The following CLMP variants were observed in gnomAD, a reference collection of about 807,000 sequenced individuals.
CLMP encodes the protein CXADR-like membrane protein.
A neutral mutation model predicts 45.2 loss-of-function variants in CLMP; 27 were observed. The ratio of observed to expected loss-of-function variants is 0.60; its 90% confidence interval spans 0.44 to 0.82. The LOEUF is 0.82. Ranked by LOEUF, CLMP falls within the 40% of genes least tolerant of loss-of-function variation. The probability of loss-of-function intolerance (pLI) is 0.00; values close to 1 mark genes in which losing one functional copy is unlikely to be tolerated. For synonymous variants in CLMP, 167 were observed against 171.4 expected (o/e 0.97, Z 0.20); for missense variants, 403 against 448.4 (o/e 0.90, Z 0.91).
intron 1 of CLMP, among the ~76,000 whole-genome samples, chr11:123,156,552 A>G (rs1383785515): frequency 2.6e-5 from 4 of 152,180 alleles, no homozygotes; most frequent in Non-Finnish European, 4.4e-5. Flanking sequence ...TTTTTTTGGT[A>G]GTGATAGATA....
intron 1 of CLMP, chr11:123,136,141 G>A: frequency 1.6e-6 from 1 of 626,700 alleles, no homozygotes; most frequent in Non-Finnish European, 3.1e-6. Flanking sequence ...CGGCAAGAAA[G>A]TCACCACCTA....
intron 1 of CLMP, among the ~76,000 whole-genome samples, chr11:123,106,344 T>C (rs192683494): frequency 8.6e-4 from 131 of 151,952 alleles, no homozygotes; most frequent in African/African-American, 3.0e-3. Flanking sequence ...GACGGGAAGT[T>C]TTCCCTTCAC....
At chr11:123,094,540 G>A (rs1430967748) in intron 2 of CLMP, among the ~76,000 whole-genome samples, 1 of 152,212 alleles carries the variant, frequency 6.6e-6, no homozygotes, top group African/African-American at 2.4e-5. Context: ...ATTAATCCTA[G>A]TTATCAGTAT....
chr11:123,159,093 G>A (rs1357363300), intron 1 of CLMP, among the ~76,000 whole-genome samples: 1 of 152,138 alleles, frequency 6.6e-6, no homozygotes, highest in Admixed American at 6.5e-5. Context: ...GAAAATGTGA[G>A]AAAAGCCAAA....
Position 123,083,711 on chromosome 11 carries a change from C to T in CLMP, c.525G>A (p.Glu175=). 6.2e-7 allele frequency: 1 copy of T among 1,614,030 alleles called. No individual in the cohort carries two copies. The highest frequency in any genetic ancestry group is 8.5e-7 in the Non-Finnish European group (1 of 1,180,006). The change falls in exon 4 of 7, where the codon GAG becomes GAA. Residue 175 remains glutamate (E), a synonymous_variant. Coordinates refer to ENST00000448775, the MANE Select transcript of CLMP (RefSeq NM_024769.5). ...YWQRIREKEG[E]DERLPPKSRI... is the part of the protein sequence containing the mutation. The stretch of plus-strand genomic sequence containing the variant: ...TAGATTTGGGAGGCAGACGTTCATC[C>T]TCTCCCTCTTTCTCTCGGATTCGCT...
chr11:123,100,376 C>CTG (rs1866041310), intron 1 of CLMP, among the ~76,000 whole-genome samples: 1 of 144,960 alleles, frequency 6.9e-6, no homozygotes, highest in Non-Finnish European at 1.5e-5. Context: ...GCGAGACTCC[C>CTG]TCTCAGAAAA....
At chr11:123,108,000 G>T (rs1222058386) in intron 1 of CLMP, among the ~76,000 whole-genome samples, 1 of 152,156 alleles carries the variant, frequency 6.6e-6, no homozygotes, top group Non-Finnish European at 1.5e-5. Flanking sequence ...AGTGAGTAAG[G>T]ATGGAGGTAG....
At chr11:123,124,817 G>T (rs145406165) in intron 1 of CLMP, among the ~76,000 whole-genome samples, 1 of 152,066 alleles carries the variant, frequency 6.6e-6, no homozygotes, top group South Asian at 2.1e-4. Flanking sequence ...ATATTTTCTT[G>T]GAGTGTCAGT....
At chr11:123,118,999 TTC>T (rs1248549147) in intron 1 of CLMP, among the ~76,000 whole-genome samples, 9 of 14,150 alleles carry the variant, frequency 6.4e-4, no homozygotes, top group East Asian at 2.3e-3. Context: ...CTTTCTTTCT[TTC>T]TCTCTCTCTC....
At chr11:123,178,479 T>G (rs1032304386) in intron 1 of CLMP, among the ~76,000 whole-genome samples, 1 of 152,224 alleles carries the variant, frequency 6.6e-6, no homozygotes, top group African/African-American at 2.4e-5. Flanking sequence ...AGTCACTAAT[T>G]GAGTGCCATT....
intron 1 of CLMP, among the ~76,000 whole-genome samples, chr11:123,154,072 G>T (rs1861379395): frequency 6.6e-6 from 1 of 152,004 alleles, no homozygotes; most frequent in South Asian, 2.1e-4. Flanking sequence ...CTATCATAAT[G>T]CTGACCTTCC....
intron 5 of CLMP, among the ~76,000 whole-genome samples, chr11:123,082,026 C>G (rs1865810341): frequency 6.6e-6 from 1 of 152,216 alleles, no homozygotes; most frequent in African/African-American, 2.4e-5. Flanking sequence ...TAGTCGCCTA[C>G]TACTGTCTCT....
chr11:123,184,039 A>C (rs777615711), intron 1 of CLMP, among the ~76,000 whole-genome samples: 1 of 152,202 alleles, frequency 6.6e-6, no homozygotes, highest in Non-Finnish European at 1.5e-5. Flanking sequence ...TGTTATCTTG[A>C]AGATTAAATG....
intron 1 of CLMP, among the ~76,000 whole-genome samples, chr11:123,186,940 C>T (rs1861842495): frequency 6.6e-6 from 1 of 152,104 alleles, no homozygotes; most frequent in Admixed American, 6.6e-5. Context: ...TGCTGATGGC[C>T]TGGTGGTCGC....
intron 1 of CLMP, among the ~76,000 whole-genome samples, chr11:123,104,818 C>G (rs1055449770): frequency 1.3e-5 from 2 of 152,298 alleles, no homozygotes; most frequent in Non-Finnish European, 1.5e-5. Context: ...CTGGAAGATT[C>G]ATCTTTGTTA....
chr11:123,138,002 C>T (rs1441572792), intron 1 of CLMP, among the ~76,000 whole-genome samples: 1 of 151,994 alleles, frequency 6.6e-6, no homozygotes, highest in Non-Finnish European at 1.5e-5. Flanking sequence ...TCCCCTCCCT[C>T]CCCCAAACCA....
chr11:123,165,301 C>T (rs1348281651), intron 1 of CLMP, among the ~76,000 whole-genome samples: 1 of 152,194 alleles, frequency 6.6e-6, no homozygotes, highest in Non-Finnish European at 1.5e-5. Context: ...CCCAGCTCCA[C>T]CATATGGTAA....
At chr11:123,189,712 A>T (rs1565407748) in intron 1 of CLMP, among the ~76,000 whole-genome samples, 1 of 152,162 alleles carries the variant, frequency 6.6e-6, no homozygotes, top group Non-Finnish European at 1.5e-5. Context: ...TTAATTTTAA[A>T]AGTAGAAGAA....
chr11:123,161,739 C>G (rs1861489718), intron 1 of CLMP, among the ~76,000 whole-genome samples: 1 of 152,198 alleles, frequency 6.6e-6, no homozygotes, highest in African/African-American at 2.4e-5. Context: ...GGCTGGGCGT[C>G]ACCCCTCAGA....
Sources: allele counts gnomAD v4.1 joint callset (sites outside exome capture counted in the v4.1 genomes callset), GRCh38; gene constraint gnomAD v4.1.1; transcripts MANE v1.5; gene names NCBI Gene and HGNC (gene_info 2026-07-23, HGNC 2026-07-21).